The following DLGAP2 variants were observed in gnomAD, a reference collection of about 807,000 sequenced individuals.
DLGAP2 encodes DLG associated protein 2.
DLGAP2 carries 26 observed loss-of-function variants against 100.3 expected under a neutral mutation model. The ratio of observed to expected loss-of-function variants is 0.26; its 90% CI spans 0.19 to 0.36. The LOEUF is 0.36. Ranked by LOEUF, DLGAP2 falls within the 10% of genes least tolerant of loss-of-function variation. DLGAP2 has a pLI of 1.00. For missense variants in DLGAP2, 1,858 were observed against 1,453.2 expected, an observed-to-expected ratio of 1.28 and a Z score of -4.53; for synonymous variants, 886 against 630.1, an observed-to-expected ratio of 1.41 and a Z score of -6.08.
intron 2 of DLGAP2, among the ~76,000 whole-genome samples, chr8:1,156,659 C>T (rs372549819): frequency 4.1e-4 from 62 of 152,200 alleles, no homozygotes; most frequent in South Asian, 2.3e-3. Flanking sequence ...CCCAGCCCAG[C>T]GCCCCAGCTT....
intron 6 of DLGAP2, among the ~76,000 whole-genome samples, chr8:1,573,086 A>G (rs1356484029): frequency 1.1e-4 from 8 of 73,154 alleles, no homozygotes; most frequent in East Asian, 5.1e-4. Context: ...GCATCTGATG[A>G]GATGGAGAGG....
chr8:1,531,088 A>T (rs374166958), intron 4 of DLGAP2, among the ~76,000 whole-genome samples: 1 of 152,228 alleles, frequency 6.6e-6, no homozygotes, highest in Non-Finnish European at 1.5e-5. Flanking sequence ...TTCCAAATGT[A>T]TTCCACATTC....
At chr8:752,468 G>A (rs1428316758) in intron 1 of DLGAP2, among the ~76,000 whole-genome samples, 1 of 152,184 alleles carries the variant, frequency 6.6e-6, no homozygotes, top group East Asian at 1.9e-4. Context: ...TCTCGGTCGT[G>A]CCGCCAGGCA....
chr8:1,385,553 T>G (rs369783904), intron 3 of DLGAP2, among the ~76,000 whole-genome samples: 10 of 21,634 alleles, frequency 4.6e-4, no homozygotes, highest in Admixed American at 9.0e-4. Flanking sequence ...CCTGTGCCCG[T>G]CCCCTGAGAA....
At chr8:1,428,636 C>G (rs1476909765) in intron 3 of DLGAP2, among the ~76,000 whole-genome samples, 1 of 152,184 alleles carries the variant, frequency 6.6e-6, no homozygotes, top group African/African-American at 2.4e-5. Flanking sequence ...CTATGTATAC[C>G]TAATAAATAT....
At chr8:1,223,267 C>A (rs1486192432) in intron 2 of DLGAP2, among the ~76,000 whole-genome samples, 1 of 152,168 alleles carries the variant, frequency 6.6e-6, no homozygotes, top group Non-Finnish European at 1.5e-5. Context: ...TCACTGTCCA[C>A]TTTGAAAGCC....
intron 1 of DLGAP2, among the ~76,000 whole-genome samples, chr8:892,311 T>C (rs2128995809): frequency 6.6e-6 from 1 of 152,160 alleles, no homozygotes; most frequent in Admixed American, 6.5e-5. Flanking sequence ...TGTCCGTCCA[T>C]GGATGGGAGG....
At chr8:1,004,475 T>C (rs1801048976) in intron 2 of DLGAP2, among the ~76,000 whole-genome samples, 2 of 152,198 alleles carry the variant, frequency 1.3e-5, no homozygotes, top group African/African-American at 2.4e-5. Flanking sequence ...ACTTGGAGTA[T>C]TATATTCAAA....
intron 1 of DLGAP2, among the ~76,000 whole-genome samples, chr8:903,843 C>T (rs191153253): frequency 6.6e-6 from 1 of 152,292 alleles, no homozygotes; most frequent in African/African-American, 2.4e-5. Flanking sequence ...TTACGGTGCT[C>T]GTTATGCAGC....
chr8:1,701,048 G>C, intron 14 of DLGAP2, 140 bp from the exon 15 acceptor site: 3 of 749,122 alleles, frequency 4.0e-6, no homozygotes, highest in Non-Finnish European at 2.2e-6. Context: ...GACCAGGGCA[G>C]ACGGGGGACG....
chr8:1,163,098 G>A (rs1022091204), intron 2 of DLGAP2, among the ~76,000 whole-genome samples: 1 of 152,178 alleles, frequency 6.6e-6, no homozygotes, highest in Non-Finnish European at 1.5e-5. Context: ...GGGCTGCGGC[G>A]TGTTGGGGTG....
chr8:1,477,592 T>C (rs1199880821), intron 3 of DLGAP2, among the ~76,000 whole-genome samples: 1 of 152,194 alleles, frequency 6.6e-6, no homozygotes, highest in African/African-American at 2.4e-5. Flanking sequence ...TGGTTCCTAA[T>C]TCCTCACAGC....
intron 4 of DLGAP2, among the ~76,000 whole-genome samples, chr8:1,545,371 C>T (rs1228286627): frequency 1.3e-5 from 2 of 152,102 alleles, no homozygotes; most frequent in East Asian, 3.9e-4. Flanking sequence ...GCCGGCCGCC[C>T]CATAAGTGCA....
At chr8:770,163 A>G (rs1476806729) in intron 1 of DLGAP2, among the ~76,000 whole-genome samples, 1 of 152,116 alleles carries the variant, frequency 6.6e-6, no homozygotes, top group African/African-American at 2.4e-5. Flanking sequence ...ATTCAGATTC[A>G]TTTGCACAGC....
At chr8:1,377,475 CG>C (rs1563115076) in intron 3 of DLGAP2, among the ~76,000 whole-genome samples, 1 of 152,140 alleles carries the variant, frequency 6.6e-6, no homozygotes, top group Non-Finnish European at 1.5e-5. Context: ...ACCTGGGAGG[CG>C]GAGCTGGCAG....
intron 2 of DLGAP2, among the ~76,000 whole-genome samples, chr8:968,921 T>C (rs1025590636): frequency 6.6e-6 from 1 of 152,144 alleles, no homozygotes; most frequent in East Asian, 1.9e-4. Flanking sequence ...TATGGTGGGA[T>C]TTGCTGTAAG....
At chr8:999,138 A>T (rs1800869447) in intron 2 of DLGAP2, among the ~76,000 whole-genome samples, 1 of 152,004 alleles carries the variant, frequency 6.6e-6, no homozygotes, top group South Asian at 2.1e-4. Flanking sequence ...GATATTTGTT[A>T]TTCTGCACAA....
intron 12 of DLGAP2, among the ~76,000 whole-genome samples, chr8:1,679,862 C>G (rs191885725): frequency 6.6e-6 from 1 of 151,826 alleles, no homozygotes; most frequent in Non-Finnish European, 1.5e-5. Context: ...TACCTGTAAT[C>G]CTAGCTATTT....
At chr8:1,559,800 T>C (rs2906577) in intron 5 of DLGAP2, among the ~76,000 whole-genome samples, 69,207 of 152,084 alleles carry the variant, frequency 0.46, 15,905 homozygotes, top group Middle Eastern at 0.57. Context: ...AGTGGCAGCG[T>C]GAGCTCCCCC....
Sources: gnomAD v4.1 joint callset for allele counts (sites outside exome capture counted in the v4.1 genomes callset) on GRCh38, gnomAD v4.1.1 for gene constraint, MANE v1.5 for transcripts, NCBI Gene and HGNC (gene_info 2026-07-23, HGNC 2026-07-21) for gene names.